PDE4D: variants seen among roughly 807,000 people sequenced by gnomAD.
PDE4D encodes the protein phosphodiesterase 4D, also known as 3',5'-cyclic-AMP phosphodiesterase 4D.
A neutral mutation model predicts 87.4 loss-of-function variants in PDE4D; 24 were observed. The observed-to-expected ratio is 0.27, with a 90% CI of 0.20 to 0.39. The LOEUF (loss-of-function observed/expected upper bound fraction) is 0.39, where lower values mean the gene tolerates loss of function less well. Among genes scored for constraint, PDE4D ranks in the 10% least tolerant of loss-of-function variants. The probability of loss-of-function intolerance (pLI) is 1.00; values close to 1 mark genes in which losing one functional copy is unlikely to be tolerated. For synonymous variants in PDE4D, 384 were observed against 383.2 expected, an observed-to-expected ratio of 1.00 and a Z score of -0.02; for missense variants, 714 against 1,041.0, an observed-to-expected ratio of 0.69 and a Z score of 4.32.
chr5:60,205,599 A>G (rs1038093871), intron 1 of PDE4D, among the ~76,000 whole-genome samples: 1 of 152,182 alleles, frequency 6.6e-6, no homozygotes, highest in Non-Finnish European at 1.5e-5. Context: ...CTGAAAAGGC[A>G]ATAGGGTGGG....
intron 1 of PDE4D, among the ~76,000 whole-genome samples, chr5:60,498,019 C>T (rs1222452616): frequency 6.6e-6 from 1 of 152,180 alleles, no homozygotes; most frequent in South Asian, 2.1e-4. Context: ...CATCCTCTGA[C>T]TATCAGCAGT....
At chr5:59,358,740 G>C (rs754775891) in intron 1 of PDE4D, among the ~76,000 whole-genome samples, 5 of 151,884 alleles carry the variant, frequency 3.3e-5, no homozygotes, top group Non-Finnish European at 7.4e-5. Flanking sequence ...TGAAAGGGAG[G>C]GGGAGGGAGG....
chr5:59,415,044 C>T (rs1562143493), intron 1 of PDE4D, among the ~76,000 whole-genome samples: 1 of 152,148 alleles, frequency 6.6e-6, no homozygotes, highest in South Asian at 2.1e-4. Flanking sequence ...TGGCTAGAGT[C>T]TGGAGACTGA....
intron 6 of PDE4D, among the ~76,000 whole-genome samples, chr5:58,996,178 A>G (rs1285369635): frequency 1.3e-5 from 2 of 152,140 alleles, no homozygotes; most frequent in Admixed American, 1.3e-4. Flanking sequence ...CAAAATACCT[A>G]ATGTAGATGA....
At chr5:59,226,611 T>TA (rs1753825773) in intron 1 of PDE4D, among the ~76,000 whole-genome samples, 1 of 152,184 alleles carries the variant, frequency 6.6e-6, no homozygotes, top group Admixed American at 6.5e-5. Context: ...ACTATACACT[T>TA]AAAATGTAAG....
chr5:60,154,747 T>C (rs1009513897), intron 2 of PDE4D, among the ~76,000 whole-genome samples: 4 of 152,224 alleles, frequency 2.6e-5, no homozygotes, highest in African/African-American at 4.8e-5. Context: ...GCTCTCCTAC[T>C]CCATAAGGGT....
chr5:60,383,507 A>C (rs1583587862), intron 1 of PDE4D, among the ~76,000 whole-genome samples: 1 of 152,186 alleles, frequency 6.6e-6, no homozygotes, highest in East Asian at 1.9e-4. Context: ...CTTCCAAGCA[A>C]AAGGTGTGCT....
chr5:59,906,485 T>G (rs1361973238), intron 3 of PDE4D, among the ~76,000 whole-genome samples: 3 of 152,134 alleles, frequency 2.0e-5, no homozygotes, highest in Non-Finnish European at 2.9e-5. Flanking sequence ...TAAATAAAGT[T>G]TTATTGGAAC....
intron 2 of PDE4D, among the ~76,000 whole-genome samples, chr5:60,178,411 G>A (rs936331367): frequency 6.6e-6 from 1 of 152,022 alleles, no homozygotes; most frequent in Non-Finnish European, 1.5e-5. Flanking sequence ...TGCATGTTCT[G>A]AATCCCTGCA....
chr5:59,795,388 T>A (rs927624573), intron 1 of PDE4D, among the ~76,000 whole-genome samples: 1 of 152,040 alleles, frequency 6.6e-6, no homozygotes, highest in African/African-American at 2.4e-5. Context: ...GTCTGTGGGT[T>A]CCCCGGTGGA....
intron 5 of PDE4D, among the ~76,000 whole-genome samples, chr5:59,151,139 T>C (rs1163535359): frequency 6.6e-6 from 1 of 152,146 alleles, no homozygotes; most frequent in Non-Finnish European, 1.5e-5. Flanking sequence ...GTAACCGAGC[T>C]GATCCAGTGA....
chr5:60,367,846 C>T (rs538804890), intron 1 of PDE4D, among the ~76,000 whole-genome samples: 42 of 152,228 alleles, frequency 2.8e-4, no homozygotes, highest in African/African-American at 9.9e-4. Context: ...GGGCTAAGTC[C>T]CCAGACTCTA....
intron 1 of PDE4D, among the ~76,000 whole-genome samples, chr5:59,291,551 T>C (rs924791268): frequency 1.3e-5 from 2 of 152,018 alleles, no homozygotes; most frequent in African/African-American, 4.8e-5. Context: ...ATTTATTGTA[T>C]GTTTTTTAAG....
At position 59,285,499 on chromosome 5, in the gene PDE4D, C is replaced by T. The variant is rs532043613; in HGVS notation, c.456-69531G>A. ...CTTCTGTGCCAAAAAGGAGTTCCTA[C>T]AATAGTGTTATAATTAAAAAAAAAA... On this transcript the variant is annotated intron_variant, in intron 1 of 14. Transcript: ENST00000340635. Among the ~76,000 whole-genome samples the T allele has an allele frequency of 2.7e-5, 4 of 150,430 alleles. No individual in the cohort carries two copies. In the South Asian group the frequency reaches 8.5e-4, roughly 32 times the overall value.
At chr5:59,792,917 T>G (rs1363977267) in intron 1 of PDE4D, among the ~76,000 whole-genome samples, 1 of 152,142 alleles carries the variant, frequency 6.6e-6, no homozygotes, top group Non-Finnish European at 1.5e-5. Context: ...TGTTAAAAAA[T>G]GACTGTAGGC....
intron 1 of PDE4D, among the ~76,000 whole-genome samples, chr5:60,212,522 T>G (rs962142500): frequency 1.3e-5 from 2 of 152,194 alleles, no homozygotes; most frequent in Non-Finnish European, 2.9e-5. Flanking sequence ...TCTCTTCTTT[T>G]GGGATCAGAA....
intron 3 of PDE4D, 34 bp from the exon 4 acceptor site, chr5:59,185,296 G>A (rs1279257576): frequency 6.7e-7 from 1 of 1,498,374 alleles, no homozygotes; most frequent in Non-Finnish European, 9.2e-7. Context: ...AACTTCTTGA[G>A]CTAAGGCCAT....
intron 1 of PDE4D, among the ~76,000 whole-genome samples, chr5:59,466,327 T>C (rs1012132129): frequency 6.6e-6 from 1 of 152,236 alleles, no homozygotes; most frequent in Non-Finnish European, 1.5e-5. Flanking sequence ...CAACCACAAA[T>C]GTGTTTATGA....
rs11402131 is a variant in PDE4D, at chr5:59,586,505, C to CAAA, written c.455+306660_455+306662dup. ...AATTATTGCAACAAGTATTGAATCC[C>CAAA]AAAAAAAAAAAAAAAATCTCCCCCC... On this transcript the variant is annotated intron_variant, in intron 1 of 14. Transcript: ENST00000340635. The CAAA allele has an allele frequency of 5.9e-4, 673 of 1,131,902 alleles. 2 individuals carry two copies. Among genetic ancestry groups the CAAA allele is most frequent in the African/African-American group, 5.4e-3 (318 of 58,442 alleles). 70.1% of individuals were successfully genotyped at this position (1,131,902 alleles called of 1,614,324 possible). A position where few individuals can be genotyped will look rare whatever the true frequency, so the allele number is the denominator to read the frequency against.
Sources: allele counts gnomAD v4.1 joint callset (sites outside exome capture counted in the v4.1 genomes callset), GRCh38; gene constraint gnomAD v4.1.1; transcripts MANE v1.5; gene names NCBI Gene and HGNC (gene_info 2026-07-23, HGNC 2026-07-21).